GRID2: variants seen among roughly 807,000 people sequenced by gnomAD.
The protein encoded by GRID2 is glutamate receptor ionotropic, delta-2.
In GRID2, 33 loss-of-function variants were observed where a neutral mutation model predicts 114.8. The ratio of observed to expected loss-of-function variants is 0.29; its 90% CI spans 0.22 to 0.38. The LOEUF is 0.38. Among genes scored for constraint, GRID2 ranks in the 10% least tolerant of loss-of-function variants. GRID2 has a pLI of 1.00. For missense variants in GRID2, 1,184 were observed against 1,257.7 expected (o/e 0.94, Z 0.89); for synonymous variants, 505 against 449.9 (o/e 1.12, Z -1.55).
intron 14 of GRID2, among the ~76,000 whole-genome samples, chr4:93,670,518 C>T (rs1235871472): frequency 2.0e-5 from 3 of 152,166 alleles, no homozygotes; most frequent in South Asian, 2.1e-4. Flanking sequence ...GATATACCTA[C>T]ATCAATGATT....
At chr4:93,103,137 C>T (rs1245699592) in intron 3 of GRID2, among the ~76,000 whole-genome samples, 1 of 152,074 alleles carries the variant, frequency 6.6e-6, no homozygotes, top group East Asian at 2.0e-4. Flanking sequence ...GGAACCACCT[C>T]ACCAAAGGAC....
chr4:92,704,701 ATCTC>A (rs778705188), intron 2 of GRID2, among the ~76,000 whole-genome samples: 10 of 113,692 alleles, frequency 8.8e-5, no homozygotes, highest in East Asian at 6.6e-4. Context: ...CAATCAATCA[ATCTC>A]TCTCTCTCTC....
Position 93,270,215 on chromosome 4 carries a change from TACACACACACACACACACAC to T in GRID2, c.1245+31750_1245+31769del, listed in dbSNP as rs34945534. Among the ~76,000 whole-genome samples the T allele has an allele frequency of 1.2e-3, 160 of 137,178 alleles. 2 individuals are homozygous for T. In the East Asian group the frequency reaches 0.021, roughly 18 times the overall value. 90.0% of individuals were successfully genotyped at this position (137,178 alleles called of 152,430 possible). A position where few individuals can be genotyped will look rare whatever the true frequency, so the allele number is the denominator to read the frequency against. ...ATAATCTCTCTCTCTCACACACACA[TACACACACACACACACACAC>T]ACACACACACACACACACACACACG... On this transcript the variant is annotated intron_variant, in intron 8 of 15. Coordinates refer to ENST00000282020, the MANE Select transcript of GRID2 (RefSeq NM_001510.4).
rs1231257794 is a variant in GRID2 at position 93,631,082 on chromosome 4, A to G, written c.2360+4647A>G. On this transcript the variant is annotated intron_variant, in intron 14 of 15. Coordinates refer to ENST00000282020, the MANE Select transcript of GRID2 (RefSeq NM_001510.4). ...CTTGTGCAAGTTCAGGAAGCTGTCG[A>G]TTATTAGAGCTGAGACTCAAACCCA... 7.9e-5 allele frequency among the ~76,000 whole-genome samples: 12 copies of G among 152,330 alleles called. No homozygotes were observed. The South Asian group carries it at 1.4e-3, about 18-fold the overall frequency.
intron 1 of GRID2, among the ~76,000 whole-genome samples, chr4:92,484,555 C>A (rs1196101868): frequency 1.3e-5 from 2 of 152,030 alleles, no homozygotes. Flanking sequence ...GGTGGAGAGA[C>A]ACATTCAATA....
intron 1 of GRID2, among the ~76,000 whole-genome samples, chr4:92,470,322 A>G (rs143580583): frequency 6.6e-6 from 1 of 151,928 alleles, no homozygotes; most frequent in Non-Finnish European, 1.5e-5. Context: ...CGTAAAACAT[A>G]TAATATTGGC....
intron 1 of GRID2, among the ~76,000 whole-genome samples, chr4:92,562,041 G>C (rs533491788): frequency 7.2e-5 from 11 of 152,262 alleles, no homozygotes; most frequent in Non-Finnish European, 1.3e-4. Context: ...GTTTTAGCCA[G>C]ATATGTAGTC....
intron 2 of GRID2, among the ~76,000 whole-genome samples, chr4:92,817,338 C>G (rs189651866): frequency 1.7e-4 from 26 of 152,006 alleles, no homozygotes; most frequent in African/African-American, 4.8e-4. Context: ...CATATTATTC[C>G]TCTCTACAAA....
chr4:92,682,927 C>A (rs1307946177), intron 2 of GRID2, among the ~76,000 whole-genome samples: 1 of 152,016 alleles, frequency 6.6e-6, no homozygotes, highest in Non-Finnish European at 1.5e-5. Context: ...ATGCTTGTAG[C>A]CACAGGCATC....
intron 1 of GRID2, among the ~76,000 whole-genome samples, chr4:92,346,364 T>TTTTTG (rs1727760900): frequency 6.6e-6 from 1 of 152,188 alleles, no homozygotes; most frequent in Non-Finnish European, 1.5e-5. Context: ...TTCTGAACTT[T>TTTTTG]TTTTGTTTTG....
At chr4:93,171,018 C>T (rs1406369335) in intron 4 of GRID2, among the ~76,000 whole-genome samples, 39 of 152,078 alleles carry the variant, frequency 2.6e-4, no homozygotes, top group Non-Finnish European at 8.8e-5. Context: ...CTGCCCATGC[C>T]ACCTACGGTT....
At chr4:93,452,721 G>A (rs2149407140) in intron 10 of GRID2, among the ~76,000 whole-genome samples, 1 of 152,154 alleles carries the variant, frequency 6.6e-6, no homozygotes, top group South Asian at 2.1e-4. Context: ...ATAACAGTAG[G>A]ATTAAAGATG....
At chr4:92,848,894 G>T (rs964973068) in intron 2 of GRID2, among the ~76,000 whole-genome samples, 7 of 151,888 alleles carry the variant, frequency 4.6e-5, no homozygotes, top group Non-Finnish European at 1.0e-4. Context: ...CACTGTGAGG[G>T]AGTGGACATC....
chr4:93,460,213 A>G (rs1723612104), intron 11 of GRID2, among the ~76,000 whole-genome samples: 1 of 152,202 alleles, frequency 6.6e-6, no homozygotes, highest in African/African-American at 2.4e-5. Flanking sequence ...TAGAAGTCTG[A>G]GTTCTTCAGA....
intron 4 of GRID2, among the ~76,000 whole-genome samples, chr4:93,190,364 G>A (rs1422404127): frequency 1.3e-5 from 2 of 152,044 alleles, no homozygotes; most frequent in Non-Finnish European, 2.9e-5. Flanking sequence ...ACTTAATTCA[G>A]CTCTGCAGGA....
At chr4:93,453,637 T>G (rs1722927709) in intron 10 of GRID2, among the ~76,000 whole-genome samples, 1 of 152,102 alleles carries the variant, frequency 6.6e-6, no homozygotes, top group Non-Finnish European at 1.5e-5. Context: ...ATTATTAAAA[T>G]CAGTAACCAT....
chr4:92,997,630 G>C (rs750375630), intron 2 of GRID2, among the ~76,000 whole-genome samples: 1 of 152,142 alleles, frequency 6.6e-6, no homozygotes, highest in Non-Finnish European at 1.5e-5. Context: ...GCAGTGGTCT[G>C]GCCTCACAGC....
intron 8 of GRID2, among the ~76,000 whole-genome samples, chr4:93,250,653 TA>T (rs1561043838): frequency 4.9e-5 from 7 of 143,764 alleles, no homozygotes; most frequent in African/African-American, 1.1e-4. Context: ...TATATATATA[TA>T]TTTTATATAT....
At chr4:92,439,418 A>G (rs189081844) in intron 1 of GRID2, among the ~76,000 whole-genome samples, 3 of 152,210 alleles carry the variant, frequency 2.0e-5, no homozygotes, top group East Asian at 3.9e-4. Flanking sequence ...CCGCCTTCTT[A>G]TATTAATAAG....
Sources: gnomAD v4.1 joint callset for allele counts (sites outside exome capture counted in the v4.1 genomes callset) on GRCh38, gnomAD v4.1.1 for gene constraint, MANE v1.5 for transcripts, NCBI Gene and HGNC (gene_info 2026-07-23, HGNC 2026-07-21) for gene names.